SRPK2: variants seen among roughly 807,000 people sequenced by gnomAD.
SRPK2 encodes the protein SFRS protein kinase 2.
SRPK2 carries 21 observed loss-of-function variants against 90.8 expected under a neutral mutation model. The ratio of observed to expected loss-of-function variants is 0.23; its 90% CI spans 0.16 to 0.33. The LOEUF is 0.33. SRPK2 is among the 10% of genes least tolerant of loss of function. The pLI is 1.00. For synonymous variants in SRPK2, 288 were observed against 311.1 expected (o/e 0.93, Z 0.78); for missense variants, 620 against 869.0 (o/e 0.71, Z 3.60).
intron 2 of SRPK2, among the ~76,000 whole-genome samples, chr7:105,344,355 C>T (rs907073160): frequency 6.6e-6 from 1 of 150,988 alleles, no homozygotes. Context: ...TCAAGTGATC[C>T]TCCCACCTCA....
chr7:105,155,808 A>C (rs1397285416), intron 7 of SRPK2, among the ~76,000 whole-genome samples: 2 of 152,218 alleles, frequency 1.3e-5, no homozygotes, highest in African/African-American at 4.8e-5. Flanking sequence ...AGATGATCAA[A>C]GATGTGGAGA....
Position 105,265,325 on chromosome 7 carries a change from T to C in SRPK2, c.72-61540A>G, listed in dbSNP as rs1019501784. On this transcript the variant is annotated intron_variant, in intron 2 of 15. Coordinates refer to ENST00000393651, the MANE Select transcript of SRPK2 (RefSeq NM_182692.3). Reference sequence around the variant, plus strand: ...AACTATTTACAGAGTGTTTTCATTGTATTAGGTATTGTAAGTAATCTAGAG... The same window carrying C: ...AACTATTTACAGAGTGTTTTCATTGCATTAGGTATTGTAAGTAATCTAGAG... 5.3e-5 allele frequency among the ~76,000 whole-genome samples: 8 copies of C among 152,214 alleles called. 1 individual carries two copies.
chr7:105,177,059 C>T (rs1276665582), intron 3 of SRPK2, among the ~76,000 whole-genome samples: 1 of 152,038 alleles, frequency 6.6e-6, no homozygotes, highest in Non-Finnish European at 1.5e-5. Flanking sequence ...CTTGGTTATA[C>T]ATGCTGCAAT....
At chr7:105,237,771 A>G (rs575005084) in intron 2 of SRPK2, among the ~76,000 whole-genome samples, 145 of 152,350 alleles carry the variant, frequency 9.5e-4, no homozygotes, top group Non-Finnish European at 1.6e-3. Flanking sequence ...CAAGCCAAAC[A>G]TGAAGAACGT....
At chr7:105,161,049 C>T (rs1807550826) in intron 6 of SRPK2, among the ~76,000 whole-genome samples, 2 of 152,076 alleles carry the variant, frequency 1.3e-5, no homozygotes. Context: ...CCTCAGCCTC[C>T]CGAGCAGCTG....
At chr7:105,269,984 C>A (rs1357776477) in intron 2 of SRPK2, among the ~76,000 whole-genome samples, 1 of 151,958 alleles carries the variant, frequency 6.6e-6, no homozygotes, top group Non-Finnish European at 1.5e-5. Flanking sequence ...GTTTTTTAAG[C>A]AGTAAAGCAA....
intron 2 of SRPK2, among the ~76,000 whole-genome samples, chr7:105,322,747 TTA>T (rs1813081603): frequency 7.9e-6 from 1 of 126,100 alleles, no homozygotes; most frequent in Non-Finnish European, 1.7e-5. Flanking sequence ...ATAACCTCAA[TTA>T]AAAAAAAAAA....
intron 2 of SRPK2, among the ~76,000 whole-genome samples, chr7:105,324,005 GT>G (rs1439753450): frequency 6.7e-6 from 1 of 149,190 alleles, no homozygotes. Context: ...GTGTGTGTGT[GT>G]GTGTGTGTGT....
At position 105,238,163 on chromosome 7, in the gene SRPK2, A is replaced by C. The variant is rs150376151; in HGVS notation, c.72-34378T>G. On this transcript the variant is annotated intron_variant, in intron 2 of 15. Transcript: ENST00000393651. ...ATAAACAACTAGCAACAAAATTAAC[A>C]ATCATTTTCACTTCAAGGCAGATGG... 1.0e-2 allele frequency among the ~76,000 whole-genome samples: 1,520 copies of C among 152,328 alleles called. 13 individuals are homozygous for C. The highest frequency in any genetic ancestry group is 0.016 in the Non-Finnish European group (1,081 of 68,028).
Position 105,263,499 on chromosome 7 carries a change from T to C in SRPK2, c.72-59714A>G, listed in dbSNP as rs540300559. ...CACAACAATATGGATGAACCTCACA[T>C]AGGTAACCTCACATAGGTAACAGAC... On this transcript the variant is annotated intron_variant, in intron 2 of 15. Transcript: ENST00000393651. 2.0e-5 allele frequency among the ~76,000 whole-genome samples: 3 copies of C among 152,258 alleles called. No homozygotes were observed. In the East Asian group the frequency reaches 5.8e-4, roughly 29 times the overall value.
chr7:105,181,881 T>TAAAAA (rs755821029), intron 3 of SRPK2, among the ~76,000 whole-genome samples: 24 of 84,846 alleles, frequency 2.8e-4, no homozygotes, highest in Non-Finnish European at 3.7e-4. Context: ...AAGATAAAAG[T>TAAAAA]AAAAAAAAAA....
Position 105,119,128 on chromosome 7 carries a change from A to G in SRPK2, c.1916-1106T>C, listed in dbSNP as rs1584841377. Among the ~76,000 whole-genome samples the G allele has an allele frequency of 2.2e-5, 3 of 139,322 alleles. No individual in the cohort carries two copies. The South Asian group carries it at 7.4e-4, about 34-fold the overall frequency. 91.4% of individuals were successfully genotyped at this position (139,322 alleles called of 152,430 possible). Reference sequence around the variant, plus strand: ...AGAGCAGCCAGGTCTCGGTGGGGGGAGAGAGGCATTCAAGCACCTGCAGGG... The same window carrying G: ...AGAGCAGCCAGGTCTCGGTGGGGGGGGAGAGGCATTCAAGCACCTGCAGGG... On this transcript the variant is annotated intron_variant, in intron 15 of 15. Coordinates refer to ENST00000393651, the MANE Select transcript of SRPK2 (RefSeq NM_182692.3).
intron 13 of SRPK2, among the ~76,000 whole-genome samples, chr7:105,128,669 GCTAA>G (rs1160837917): frequency 6.6e-5 from 10 of 152,174 alleles, no homozygotes; most frequent in African/African-American, 1.2e-4. Context: ...TGAGCCCTAT[GCTAA>G]CTAACTCTTT....
chr7:105,359,444 C>A (rs1248990529), intron 2 of SRPK2, among the ~76,000 whole-genome samples: 1 of 152,066 alleles, frequency 6.6e-6, no homozygotes, highest in African/African-American at 2.4e-5. Context: ...AGGCATGAGC[C>A]ACTGTGCCAG....
At chr7:105,169,374 A>G (rs1790510301) in intron 3 of SRPK2, 109 bp from the exon 4 acceptor site, 3 of 743,968 alleles carry the variant, frequency 4.0e-6, no homozygotes, top group Non-Finnish European at 6.6e-6. Context: ...TCTACATAAT[A>G]CATGCAGACT....
rs940563338 is a variant in SRPK2 at position 105,116,376 on chromosome 7, T to TG, written c.*1461dup. ...ATAGGGCAATGACCAAGGCAATGTC[T>TG]GGAAAAAAAAAAACCAAAACACTTT... On this transcript the variant is annotated 3_prime_UTR_variant, in exon 16 of 16. Coordinates refer to ENST00000393651, the MANE Select transcript of SRPK2 (RefSeq NM_182692.3). 8 of 151,842 alleles carry TG rather than the reference T, an allele frequency of 5.3e-5. No individual in the cohort carries two copies. The highest frequency in any genetic ancestry group is 5.9e-5 in the Non-Finnish European group (4 of 67,838). 9.4% of individuals were successfully genotyped at this position (151,842 alleles called of 1,614,324 possible). A position where few individuals can be genotyped will look rare whatever the true frequency, so the allele number is the denominator to read the frequency against.
At chr7:105,197,589 G>T (rs1244908917) in intron 3 of SRPK2, among the ~76,000 whole-genome samples, 1 of 152,130 alleles carries the variant, frequency 6.6e-6, no homozygotes, top group Non-Finnish European at 1.5e-5. Flanking sequence ...ATTATGGATG[G>T]TTCAAATGCA....
intron 2 of SRPK2, among the ~76,000 whole-genome samples, chr7:105,306,890 A>G (rs1811208603): frequency 6.6e-6 from 1 of 152,212 alleles, no homozygotes; most frequent in Non-Finnish European, 1.5e-5. Flanking sequence ...TTACAACTTG[A>G]TTATAGATAT....
In SRPK2 at chr7:105,227,921, TAAC is replaced by T. The variant is rs1798921444; in HGVS notation, c.72-24139_72-24137del. 2.4e-5 allele frequency among the ~76,000 whole-genome samples: 3 copies of T among 123,018 alleles called. No homozygotes were observed. The South Asian group carries it at 7.6e-4, about 31-fold the overall frequency. The allele number at this position is 123,018 out of a possible 152,430, so 80.7% of individuals were successfully genotyped here. On this transcript the variant is annotated intron_variant, in intron 2 of 15. Coordinates refer to ENST00000393651, the MANE Select transcript of SRPK2 (RefSeq NM_182692.3). Reference sequence around the variant, plus strand: ...AAAAAAAAAAAAAAAAAAAAGTAACTAACAACGATAAGACTCCAAATAATGGAT... The same window carrying T: ...AAAAAAAAAAAAAAAAAAAAGTAACTAACGATAAGACTCCAAATAATGGAT...
Sources: allele counts gnomAD v4.1 joint callset (sites outside exome capture counted in the v4.1 genomes callset), GRCh38; gene constraint gnomAD v4.1.1; transcripts MANE v1.5; gene names NCBI Gene and HGNC (gene_info 2026-07-23, HGNC 2026-07-21).